The following CUL5 variants were observed in gnomAD, a reference collection of about 807,000 sequenced individuals.
The protein encoded by CUL5 is cullin-5.
CUL5 carries 26 observed loss-of-function variants against 108.8 expected under a neutral mutation model. The observed-to-expected ratio is 0.24, with a 90% confidence interval of 0.18 to 0.33. The LOEUF is 0.33. Among genes scored for constraint, CUL5 ranks in the 10% least tolerant of loss-of-function variants. The pLI is 1.00. For synonymous variants in CUL5, 334 were observed against 298.0 expected (o/e 1.12, Z -1.25); for missense variants, 524 against 909.2 (o/e 0.58, Z 5.45).
At chr11:108,096,116 C>T (rs774776784) in intron 16 of CUL5, among the ~76,000 whole-genome samples, 6 of 143,990 alleles carry the variant, frequency 4.2e-5, no homozygotes, top group Non-Finnish European at 6.0e-5. Context: ...AAAAATTATG[C>T]ACACACACAC....
intron 2 of CUL5, among the ~76,000 whole-genome samples, chr11:108,044,798 G>T (rs1276074935): frequency 6.6e-6 from 1 of 150,978 alleles, no homozygotes; most frequent in Non-Finnish European, 1.5e-5. Context: ...GTTTCACTCT[G>T]TTGCCCAGGC....
At chr11:108,077,641 A>G (rs1341714006) in intron 10 of CUL5, among the ~76,000 whole-genome samples, 1 of 151,126 alleles carries the variant, frequency 6.6e-6, no homozygotes, top group African/African-American at 2.4e-5. Context: ...AAAAAAAAAA[A>G]AAGAAAAAAA....
At chr11:108,056,753 C>A (rs916302266) in intron 7 of CUL5, among the ~76,000 whole-genome samples, 3 of 151,914 alleles carry the variant, frequency 2.0e-5, no homozygotes, top group African/African-American at 7.3e-5. Flanking sequence ...GTAATTCAGG[C>A]AAGGTATTAG....
intron 10 of CUL5, among the ~76,000 whole-genome samples, chr11:108,075,142 T>A (rs1000047516): frequency 6.6e-6 from 1 of 151,746 alleles, no homozygotes; most frequent in Non-Finnish European, 1.5e-5. Flanking sequence ...TAAGTGATGA[T>A]GGAGGCTTGT....
At chr11:108,034,192 AAAC>A (rs1298296008) in intron 2 of CUL5, among the ~76,000 whole-genome samples, 1 of 152,166 alleles carries the variant, frequency 6.6e-6, no homozygotes, top group Non-Finnish European at 1.5e-5. Flanking sequence ...GTGCAGGAAA[AAAC>A]AAGCACATGC....
At chr11:108,081,148 C>T (rs1408941160) in intron 11 of CUL5, among the ~76,000 whole-genome samples, 13 of 151,760 alleles carry the variant, frequency 8.6e-5, no homozygotes, top group African/African-American at 3.1e-4. Context: ...ATTAGCCAGG[C>T]GTGGTGGCTC....
intron 1 of CUL5, among the ~76,000 whole-genome samples, chr11:108,027,218 A>G (rs1309910264): frequency 2.0e-5 from 3 of 148,192 alleles, no homozygotes; most frequent in Non-Finnish European, 4.5e-5. Context: ...GCTCACTGCA[A>G]CCTCCGCCTC....
chr11:108,071,963 GC>G lies in CUL5; in HGVS notation c.875-365del, dbSNP rs1863835191. Among the ~76,000 whole-genome samples, 6 of 152,124 alleles carry G rather than the reference GC, an allele frequency of 3.9e-5. No homozygotes were observed. In the South Asian group the frequency reaches 1.2e-3, roughly 32 times the overall value. On this transcript the variant is annotated intron_variant, in intron 8 of 18. Transcript: ENST00000393094. The stretch of plus-strand genomic sequence containing the variant: ...AGACCAAGGCGAGAGGATTGTGTGA[GC>G]CCCGAAGTTTGAGACCAGCTTGGGC...
chr11:108,015,745 T>G (rs973858133), intron 1 of CUL5, among the ~76,000 whole-genome samples: 1 of 152,176 alleles, frequency 6.6e-6, no homozygotes, highest in African/African-American at 2.4e-5. Flanking sequence ...AATAAATGAT[T>G]GAACAATTAC....
intron 9 of CUL5, among the ~76,000 whole-genome samples, 170 bp downstream of exon 9, chr11:108,072,632 C>G (rs940262467): frequency 4.6e-5 from 7 of 151,972 alleles, no homozygotes; most frequent in African/African-American, 1.7e-4. Context: ...TTTTGGTGTT[C>G]TATTACCCAT....
At chr11:108,079,855 CT>C (rs1864030080) in intron 11 of CUL5, among the ~76,000 whole-genome samples, 1 of 152,126 alleles carries the variant, frequency 6.6e-6, no homozygotes, top group Admixed American at 6.5e-5. Context: ...CTGTGTACTT[CT>C]TGTGTAAAGC....
intron 1 of CUL5, among the ~76,000 whole-genome samples, chr11:108,023,254 AAAAC>A (rs1003135866): frequency 3.9e-5 from 6 of 152,350 alleles, no homozygotes; most frequent in Non-Finnish European, 7.4e-5. Flanking sequence ...TATCAAAAAC[AAAAC>A]AAACAAAAAA....
Position 108,107,075 on chromosome 11 carries a change from T to C in CUL5, c.*2691T>C, listed in dbSNP as rs1219525240. 1.3e-5 allele frequency: 2 copies of C among 151,602 alleles called. No homozygotes were observed. Among genetic ancestry groups the C allele is most frequent in the Non-Finnish European group, 2.9e-5 (2 of 67,924 alleles). 9.4% of individuals were successfully genotyped at this position (151,602 alleles called of 1,614,324 possible). ...AATGAGATAAATATTAGAATATTAC[T>C]ATTCCAATGATTAAATGAGGATCTT... On this transcript the variant is annotated 3_prime_UTR_variant, in exon 19 of 19. Coordinates refer to ENST00000393094, the MANE Select transcript of CUL5 (RefSeq NM_003478.6).
At chr11:108,059,029 T>C (rs1350470343) in intron 7 of CUL5, among the ~76,000 whole-genome samples, 1 of 152,006 alleles carries the variant, frequency 6.6e-6, no homozygotes, top group East Asian at 1.9e-4. Context: ...AGAGGCAGAG[T>C]CTCGCTATGT....
At chr11:108,082,869 C>T (rs1864128225) in intron 11 of CUL5, among the ~76,000 whole-genome samples, 1 of 151,988 alleles carries the variant, frequency 6.6e-6, no homozygotes, top group South Asian at 2.1e-4. Flanking sequence ...TCAAGTGAGC[C>T]TCCTGCCTCT....
Position 108,100,105 on chromosome 11 carries a change from G to GTT in CUL5, c.2148+1581_2148+1582dup, listed in dbSNP as rs138616958. On this transcript the variant is annotated intron_variant, in intron 18 of 18. Transcript: ENST00000393094. ...GAATATTTTTGGAATTTTACAAATT[G>GTT]TTTTTTATCAGAATAAATAAGAATG... 7.3e-5 allele frequency among the ~76,000 whole-genome samples: 11 copies of GTT among 151,318 alleles called. No individual in the cohort carries two copies. The East Asian group carries it at 7.8e-4, about 11-fold the overall frequency.
intron 3 of CUL5, among the ~76,000 whole-genome samples, chr11:108,047,175 A>G (rs1863088109): frequency 6.6e-6 from 1 of 151,948 alleles, no homozygotes; most frequent in African/African-American, 2.4e-5. Context: ...AAATTACCCA[A>G]GCATGATGGT....
chr11:108,065,933 TC>T (rs766402698), intron 7 of CUL5, among the ~76,000 whole-genome samples: 4 of 152,208 alleles, frequency 2.6e-5, no homozygotes, highest in East Asian at 3.8e-4. Context: ...CACTATGTTG[TC>T]CAGCCTGGTC....
chr11:108,055,308 G>A (rs934568269), intron 7 of CUL5, among the ~76,000 whole-genome samples: 2 of 152,072 alleles, frequency 1.3e-5, no homozygotes, highest in Admixed American at 1.3e-4. Flanking sequence ...GGATACAGTT[G>A]ACTCTCTTTT....
Sources: allele counts gnomAD v4.1 joint callset (sites outside exome capture counted in the v4.1 genomes callset), GRCh38; gene constraint gnomAD v4.1.1; transcripts MANE v1.5; gene names NCBI Gene and HGNC (gene_info 2026-07-23, HGNC 2026-07-21).